Variants in ANKRD18A observed in about 807,000 individuals in gnomAD.
ANKRD18A encodes the protein ankyrin repeat domain 18A, also known as ankyrin repeat domain-containing protein 18A.
A neutral mutation model predicts 110.6 loss-of-function variants in ANKRD18A; 72 were observed. The observed-to-expected ratio is 0.65, with a 90% confidence interval of 0.54 to 0.79. The LOEUF (loss-of-function observed/expected upper bound fraction) is 0.79. ANKRD18A is among the 30% of genes least tolerant of loss of function. ANKRD18A has a pLI of 0.00. For missense variants in ANKRD18A, 934 were observed against 1,163.3 expected (o/e 0.80, Z 2.87); for synonymous variants, 305 against 410.3 (o/e 0.74, Z 3.10).
At chr9:38,592,505 AG>A (rs1401794344) in intron 10 of ANKRD18A, among the ~76,000 whole-genome samples, 6 of 152,256 alleles carry the variant, frequency 3.9e-5, no homozygotes, top group African/African-American at 1.4e-4. Flanking sequence ...CTAGATGAGC[AG>A]GAACTGAGAA....
intron 3 of ANKRD18A, among the ~76,000 whole-genome samples, chr9:38,612,146 T>C (rs1241254597): frequency 1.3e-5 from 2 of 152,190 alleles, no homozygotes; most frequent in Non-Finnish European, 2.9e-5. Flanking sequence ...TTCCTTATTA[T>C]TAAATACTCC....
At chr9:38,610,473 G>A (rs1825564654) in intron 4 of ANKRD18A, 63 bp from the exon 5 acceptor site, 2 of 1,496,462 alleles carry the variant, frequency 1.3e-6, no homozygotes, top group Non-Finnish European at 1.8e-6. Context: ...TTAGCAAATT[G>A]GATACACTTT....
chr9:38,619,110 T>A (rs1055329317), intron 1 of ANKRD18A, among the ~76,000 whole-genome samples: 2 of 152,008 alleles, frequency 1.3e-5, no homozygotes, highest in Non-Finnish European at 2.9e-5. Flanking sequence ...CTAAATCAAC[T>A]TTCAGAATGC....
At chr9:38,618,304 T>C (rs1825940201) in intron 1 of ANKRD18A, among the ~76,000 whole-genome samples, 1 of 152,216 alleles carries the variant, frequency 6.6e-6, no homozygotes, top group Non-Finnish European at 1.5e-5. Context: ...TTTTATCCTA[T>C]TTTGTGCATA....
intron 10 of ANKRD18A, among the ~76,000 whole-genome samples, chr9:38,592,346 C>T (rs1824687251): frequency 6.6e-6 from 1 of 152,190 alleles, no homozygotes; most frequent in African/African-American, 2.4e-5. Flanking sequence ...ACAAAATTAT[C>T]TTCCATTAAA....
chr9:38,594,349 C>A (rs927504925), intron 9 of ANKRD18A, among the ~76,000 whole-genome samples: 9 of 152,086 alleles, frequency 5.9e-5, no homozygotes, highest in African/African-American at 2.2e-4. Flanking sequence ...ACTCTGCCAC[C>A]CCTCATTAGT....
chr9:38,567,446 G>C (rs1432716382), downstream of ANKRD18A: 1 of 152,748 alleles, frequency 6.5e-6, no homozygotes, highest in Non-Finnish European at 1.5e-5. Flanking sequence ...CTTGTTGCAA[G>C]AAATGCTGCA....
At chr9:38,616,880 T>C (rs1970613) in intron 1 of ANKRD18A, among the ~76,000 whole-genome samples, 93,204 of 152,038 alleles carry the variant, frequency 0.61, 29,734 homozygotes, top group African/African-American at 0.81. Flanking sequence ...GATATTGGAG[T>C]GGTATTTATA....
chr9:38,579,654 G>A (rs1419606665), intron 12 of ANKRD18A, among the ~76,000 whole-genome samples: 1 of 152,110 alleles, frequency 6.6e-6, no homozygotes, highest in Non-Finnish European at 1.5e-5. Flanking sequence ...TTCAATAAAT[G>A]GCTATCACAG....
intron 10 of ANKRD18A, 32 bp from the exon 11 acceptor site, chr9:38,588,695 A>G (rs748190312): frequency 3.3e-6 from 4 of 1,207,174 alleles, no homozygotes; most frequent in Non-Finnish European, 4.3e-6. Context: ...TTATTTTTGT[A>G]AAATCTAGAG....
At chr9:38,580,343 T>A (rs1402534111) in intron 12 of ANKRD18A, among the ~76,000 whole-genome samples, 1 of 152,198 alleles carries the variant, frequency 6.6e-6, no homozygotes, top group Non-Finnish European at 1.5e-5. Flanking sequence ...GAGGCTGCAG[T>A]GAGCTATGAT....
At chr9:38,577,327 G>A (rs1343482891) in intron 13 of ANKRD18A, 63 bp from the exon 14 acceptor site, 5 of 1,460,804 alleles carry the variant, frequency 3.4e-6, no homozygotes, top group Non-Finnish European at 4.5e-6. Flanking sequence ...TAGGTTTGTT[G>A]CCTTTCATTT....
intron 9 of ANKRD18A, among the ~76,000 whole-genome samples, chr9:38,594,311 G>A (rs531060886): frequency 2.0e-5 from 3 of 152,052 alleles, no homozygotes; most frequent in East Asian, 1.9e-4. Flanking sequence ...ACTCTGTCCC[G>A]TACAAACTTC....
rs1382835268 is a variant in ANKRD18A, at chr9:38,578,105, C to T, written c.2291G>A (p.Cys764Tyr). The T allele has an allele frequency of 3.2e-6, 5 of 1,549,208 alleles. No homozygotes were observed. Among genetic ancestry groups the T allele is most frequent in the Non-Finnish European group, 4.4e-6 (5 of 1,146,398 alleles). The change falls in exon 13 of 16, where the codon TGT (cysteine) becomes TAT (tyrosine). Residue 764 changes from cysteine (C) to tyrosine (Y), a missense_variant. Cys to Tyr is a radical substitution (Grantham distance 194). Around this residue, in one of 4 missense-constraint regions of ANKRD18A, gnomAD observed 79 missense variants for 122.8 expected, o/e 0.64. Transcript: ENST00000399703. The part of the protein sequence containing the change: ...VAEKEAVSSE[C>Y]VNLAKDNEVL... ...TTCATTGTCTTTGGCCAAATTGACACATTCTGAAGACACAGCTTCCTTCTC... is the reference window on the plus strand; with the variant it reads ...TTCATTGTCTTTGGCCAAATTGACATATTCTGAAGACACAGCTTCCTTCTC...
chr9:38,575,988 C>T (rs985614561), intron 14 of ANKRD18A, among the ~76,000 whole-genome samples: 5 of 152,170 alleles, frequency 3.3e-5, no homozygotes, highest in African/African-American at 2.4e-5. Context: ...AACCTAGCTG[C>T]CTTCTAAAAT....
chr9:38,588,797 G>A (rs1824503972), intron 10 of ANKRD18A, 134 bp from the exon 11 acceptor site: 3 of 539,218 alleles, frequency 5.6e-6, no homozygotes, highest in Non-Finnish European at 8.3e-6. Flanking sequence ...CAAACCTGAT[G>A]CCAATAACGA....
At chr9:38,573,117 G>C (rs567375412) in intron 15 of ANKRD18A, 1 of 1,350,162 alleles carries the variant, frequency 7.4e-7, no homozygotes, top group Non-Finnish European at 9.7e-7. Flanking sequence ...TGTTCTACAC[G>C]GTCCAGCTCC....
intron 2 of ANKRD18A, 77 bp downstream of exon 2, chr9:38,615,853 A>C: frequency 1.3e-6 from 2 of 1,524,348 alleles, no homozygotes; most frequent in East Asian, 2.4e-5. Context: ...AGCTATATTT[A>C]AATGAGACAA....
In ANKRD18A at chr9:38,610,198, T is replaced by C. The variant is rs372811629; in HGVS notation, c.740+75A>G. ...AACCAAACTATGAACTGTCACCTAA[T>C]GTATAAGATGCAATAGTTACAATTA... On this transcript the variant is annotated intron_variant, in intron 5 of 15. Transcript: ENST00000399703. The C allele has an allele frequency of 5.3e-5, 75 of 1,425,574 alleles. No homozygotes were observed. In the Middle Eastern group the frequency reaches 9.2e-4, roughly 17 times the overall value. The allele number at this position is 1,425,574 out of a possible 1,614,324, so 88.3% of individuals were successfully genotyped here. A position where few individuals can be genotyped will look rare whatever the true frequency, so the allele number is the denominator to read the frequency against.
Sources: allele counts gnomAD v4.1 joint callset (sites outside exome capture counted in the v4.1 genomes callset), GRCh38; gene constraint gnomAD v4.1.1; regional missense constraint gnomAD v4.1.1; transcripts MANE v1.5; gene names NCBI Gene and HGNC (gene_info 2026-07-23, HGNC 2026-07-21).